LRRC4C: variants seen among roughly 807,000 people sequenced by gnomAD.
LRRC4C encodes the protein leucine-rich repeat-containing protein 4C.
A neutral mutation model predicts 33.6 loss-of-function variants in LRRC4C; 5 were observed. That is an observed-to-expected ratio of 0.15 (90% CI 0.08 to 0.31). LRRC4C has a LOEUF of 0.31. Ranked by LOEUF, LRRC4C falls within the 10% of genes least tolerant of loss-of-function variation. The pLI is 1.00. For synonymous variants in LRRC4C, 329 were observed against 302.0 expected, an observed-to-expected ratio of 1.09 and a Z score of -0.93; for missense variants, 560 against 796.7, an observed-to-expected ratio of 0.70 and a Z score of 3.58.
At chr11:41,394,187 A>G (rs1322370788) in intron 1 of LRRC4C, among the ~76,000 whole-genome samples, 1 of 151,908 alleles carries the variant, frequency 6.6e-6, no homozygotes, top group African/African-American at 2.4e-5. Flanking sequence ...AATAGTGGCT[A>G]TTGTGGATTA....
At chr11:41,272,318 C>G (rs957206569) in intron 1 of LRRC4C, among the ~76,000 whole-genome samples, 1 of 152,138 alleles carries the variant, frequency 6.6e-6, no homozygotes, top group African/African-American at 2.4e-5. Flanking sequence ...GTTTGCTTTT[C>G]ACTTGGGTAA....
intron 2 of LRRC4C, among the ~76,000 whole-genome samples, chr11:40,795,731 A>G (rs947197507): frequency 1.2e-4 from 18 of 152,278 alleles, no homozygotes; most frequent in Admixed American, 1.1e-3. Context: ...CTTAATGTTC[A>G]AAAGAGACGA....
intron 2 of LRRC4C, among the ~76,000 whole-genome samples, chr11:40,922,217 A>G (rs910063050): frequency 3.3e-5 from 5 of 151,958 alleles, no homozygotes; most frequent in African/African-American, 1.2e-4. Flanking sequence ...ACCACTCCGT[A>G]CAAGTTTTTA....
chr11:40,530,913 G>GT (rs1956245875), intron 3 of LRRC4C, among the ~76,000 whole-genome samples: 1 of 152,040 alleles, frequency 6.6e-6, no homozygotes, highest in South Asian at 2.1e-4. Context: ...CGATTCTACT[G>GT]TTTTTTAGTG....
At chr11:40,428,712 C>G (rs1372315010) in intron 3 of LRRC4C, among the ~76,000 whole-genome samples, 1 of 152,212 alleles carries the variant, frequency 6.6e-6, no homozygotes, top group Non-Finnish European at 1.5e-5. Context: ...GCATTCCTCA[C>G]TCTTAGCTCA....
intron 1 of LRRC4C, among the ~76,000 whole-genome samples, chr11:41,456,455 G>C (rs990790876): frequency 3.3e-5 from 5 of 151,826 alleles, no homozygotes; most frequent in Admixed American, 2.0e-4. Context: ...AGCTATTCAT[G>C]TGTTAAGTAC....
At chr11:41,433,872 C>A (rs2138448104) in intron 1 of LRRC4C, among the ~76,000 whole-genome samples, 1 of 151,700 alleles carries the variant, frequency 6.6e-6, no homozygotes, top group African/African-American at 2.4e-5. Flanking sequence ...AATTCTGTCC[C>A]TCTAGAGCAC....
chr11:41,271,887 A>G (rs1949332876), intron 1 of LRRC4C, among the ~76,000 whole-genome samples: 1 of 152,146 alleles, frequency 6.6e-6, no homozygotes, highest in African/African-American at 2.4e-5. Flanking sequence ...CTACCACTAT[A>G]TGCTTAATTA....
chr11:41,103,145 A>G (rs538836591), intron 1 of LRRC4C, among the ~76,000 whole-genome samples: 31 of 152,012 alleles, frequency 2.0e-4, no homozygotes, highest in African/African-American at 7.0e-4. Context: ...CCTTATATTT[A>G]TTTTCTTTTT....
chr11:40,566,086 G>GTTTTTTTTTTT, intron 3 of LRRC4C, among the ~76,000 whole-genome samples: 11 of 62,764 alleles, frequency 1.8e-4, no homozygotes, highest in East Asian at 6.4e-4. Flanking sequence ...TTTTTACTAA[G>GTTTTTTTTTTT]TTTTTTTTTT....
chr11:41,209,298 A>ATT (rs35195543), intron 1 of LRRC4C, among the ~76,000 whole-genome samples: 4 of 151,234 alleles, frequency 2.6e-5, no homozygotes, highest in Non-Finnish European at 5.9e-5. Context: ...GCCTTGCTAG[A>ATT]TTTTTGACTT....
chr11:40,765,061 C>G (rs1949386706), intron 2 of LRRC4C, among the ~76,000 whole-genome samples: 1 of 152,126 alleles, frequency 6.6e-6, no homozygotes, highest in Non-Finnish European at 1.5e-5. Flanking sequence ...CAAGACCATC[C>G]AGGAAAACAC....
At chr11:40,844,184 C>T (rs1351376834) in intron 2 of LRRC4C, among the ~76,000 whole-genome samples, 1 of 151,388 alleles carries the variant, frequency 6.6e-6, no homozygotes. Flanking sequence ...CACATGTATA[C>T]GTATGTAACT....
intron 3 of LRRC4C, among the ~76,000 whole-genome samples, chr11:40,618,129 G>T (rs1167195852): frequency 4.0e-5 from 6 of 151,672 alleles, no homozygotes; most frequent in Non-Finnish European, 8.9e-5. Flanking sequence ...ACCTCAGAAT[G>T]TGACCTTATT....
At chr11:40,821,260 C>A (rs1279443424) in intron 2 of LRRC4C, among the ~76,000 whole-genome samples, 1 of 151,550 alleles carries the variant, frequency 6.6e-6, no homozygotes, top group Non-Finnish European at 1.5e-5. Flanking sequence ...TACCAAAATT[C>A]CCATGCACTA....
chr11:40,123,500 T>C (rs941522432), intron 6 of LRRC4C, among the ~76,000 whole-genome samples: 1 of 152,024 alleles, frequency 6.6e-6, no homozygotes, highest in African/African-American at 2.4e-5. Flanking sequence ...ACTATAGCTA[T>C]AAATACAATA....
chr11:40,760,682 C>T (rs1165306293), intron 2 of LRRC4C, among the ~76,000 whole-genome samples: 3 of 150,612 alleles, frequency 2.0e-5, no homozygotes, highest in South Asian at 2.1e-4. Context: ...GCAATCTTGG[C>T]TCACTGCAAC....
rs189184612 is a variant in LRRC4C, at chr11:41,381,376, C to A, written c.-496+78055G>T. Among the ~76,000 whole-genome samples the A allele has an allele frequency of 4.7e-4, 72 of 152,014 alleles. 1 individual carries two copies. Among genetic ancestry groups the A allele is most frequent in the African/African-American group, 1.7e-3 (71 of 41,486 alleles). On this transcript the variant is annotated intron_variant, in intron 1 of 6. Coordinates refer to ENST00000528697, the MANE Select transcript of LRRC4C (RefSeq NM_001258419.2). ...GGTGCTGTGGCTCAGGTCTGTAATC[C>A]CAGTACTTTGGGAGGCCGAGGCGGG... is the stretch of plus-strand genomic sequence containing the variant.
chr11:40,160,715 G>T (rs552201491), intron 5 of LRRC4C, among the ~76,000 whole-genome samples: 11 of 152,138 alleles, frequency 7.2e-5, no homozygotes, highest in Non-Finnish European at 1.6e-4. Context: ...TCATTAAAAA[G>T]TCAGTTTCAA....
Sources: allele counts gnomAD v4.1 joint callset (sites outside exome capture counted in the v4.1 genomes callset), GRCh38; gene constraint gnomAD v4.1.1; transcripts MANE v1.5; gene names NCBI Gene and HGNC (gene_info 2026-07-23, HGNC 2026-07-21).